Variants in G3BP2 observed in about 807,000 individuals in gnomAD.
G3BP2 encodes the protein ras GTPase-activating protein-binding protein 2.
Under a neutral mutation model 56.7 loss-of-function variants are expected in G3BP2, and 11 were observed. The observed-to-expected ratio is 0.19, with a 90% CI of 0.12 to 0.32. The LOEUF (loss-of-function observed/expected upper bound fraction) is 0.32, where lower values mean the gene tolerates loss of function less well. Ranked by LOEUF, G3BP2 falls within the 10% of genes least tolerant of loss-of-function variation. The probability of loss-of-function intolerance (pLI) is 1.00; values close to 1 mark genes in which losing one functional copy is unlikely to be tolerated. For missense variants in G3BP2, 340 were observed against 610.9 expected, an observed-to-expected ratio of 0.56 and a Z score of 4.67; for synonymous variants, 165 against 191.6, an observed-to-expected ratio of 0.86 and a Z score of 1.15.
At chr4:75,649,841 C>A (rs570054035) in intron 8 of G3BP2, among the ~76,000 whole-genome samples, 38 of 152,110 alleles carry the variant, frequency 2.5e-4, no homozygotes, top group Admixed American at 8.5e-4. Context: ...GAAACCCAGT[C>A]TCTACTAAAA....
intron 3 of G3BP2, among the ~76,000 whole-genome samples, chr4:75,710,605 CTTAT>C (rs1719717643): frequency 1.3e-5 from 2 of 152,272 alleles, no homozygotes; most frequent in South Asian, 4.1e-4. Flanking sequence ...TCACTAGCCG[CTTAT>C]TTATTTGTCG....
chr4:75,705,280 A>G (rs1234508306), intron 3 of G3BP2, among the ~76,000 whole-genome samples: 2 of 152,218 alleles, frequency 1.3e-5, no homozygotes, highest in Admixed American at 6.5e-5. Context: ...CAGAATGCCC[A>G]CAAAAGCCTG....
chr4:75,716,769 CCTCCCAAAGTGCTGGGATTACAGGCGT>C (rs1719945236), intron 3 of G3BP2, among the ~76,000 whole-genome samples: 1 of 152,162 alleles, frequency 6.6e-6, no homozygotes, highest in South Asian at 2.1e-4. Context: ...CCCGCCTTGG[CCTCCCAAAGTGCTGGGATTACAGGCGT>C]GAGCCACTGT....
At chr4:75,699,159 TCC>T (rs1456196007) in intron 3 of G3BP2, among the ~76,000 whole-genome samples, 1 of 152,192 alleles carries the variant, frequency 6.6e-6, no homozygotes, top group African/African-American at 2.4e-5. Context: ...GTGAAATTTT[TCC>T]TCTCCACTGG....
chr4:75,647,469 A>T (rs1007693594), intron 9 of G3BP2, among the ~76,000 whole-genome samples: 1 of 149,014 alleles, frequency 6.7e-6, no homozygotes, highest in Admixed American at 6.8e-5. Context: ...CCCAGGAACC[A>T]AGCAGATTTC....
chr4:75,686,442 G>A (rs905234443), intron 3 of G3BP2, among the ~76,000 whole-genome samples: 6 of 152,144 alleles, frequency 3.9e-5, no homozygotes, highest in East Asian at 1.9e-4. Context: ...ATTCCTGGAG[G>A]AGATGACACC....
intron 1 of G3BP2, among the ~76,000 whole-genome samples, chr4:75,668,899 T>C (rs1366250862): frequency 6.6e-6 from 1 of 152,222 alleles, no homozygotes; most frequent in Non-Finnish European, 1.5e-5. Flanking sequence ...GATCATGCTC[T>C]GCCCTAAATT....
At chr4:75,682,362 G>A (rs2149068665) in intron 3 of G3BP2, among the ~76,000 whole-genome samples, 1 of 149,474 alleles carries the variant, frequency 6.7e-6, no homozygotes, top group African/African-American at 2.5e-5. Flanking sequence ...GTTGCAGTGA[G>A]CCAAGATTGT....
intron 3 of G3BP2, among the ~76,000 whole-genome samples, chr4:75,687,919 A>G (rs1718679215): frequency 6.6e-6 from 1 of 152,196 alleles, no homozygotes; most frequent in Non-Finnish European, 1.5e-5. Flanking sequence ...AGTGAAAGCT[A>G]TTAGGAGGGT....
intron 1 of G3BP2, among the ~76,000 whole-genome samples, chr4:75,662,759 T>C (rs994303586): frequency 1.3e-5 from 2 of 152,188 alleles, no homozygotes; most frequent in Non-Finnish European, 2.9e-5. Context: ...TGCCTCAGAC[T>C]ACGTACAAGT....
At chr4:75,654,438 G>A (rs933664700) in intron 7 of G3BP2, among the ~76,000 whole-genome samples, 5 of 152,322 alleles carry the variant, frequency 3.3e-5, no homozygotes, top group South Asian at 4.1e-4. Context: ...GTGTGTGATG[G>A]TGTTAACGGG....
At chr4:75,677,502 CG>C, upstream of G3BP2, among the ~76,000 whole-genome samples, 1 of 151,578 alleles carries the variant, frequency 6.6e-6, no homozygotes, top group Admixed American at 6.6e-5. Context: ...ACCCAGGAGG[CG>C]GAGGTTGTGG....
intron 8 of G3BP2, among the ~76,000 whole-genome samples, chr4:75,653,625 A>C (rs569492797): frequency 7.6e-6 from 1 of 132,420 alleles, no homozygotes; most frequent in African/African-American, 3.0e-5. Context: ...ATTCTTTATT[A>C]CGCCACACTA....
chr4:75,697,566 G>C (rs1359104474), intron 3 of G3BP2, among the ~76,000 whole-genome samples: 1 of 152,028 alleles, frequency 6.6e-6, no homozygotes, highest in East Asian at 1.9e-4. Flanking sequence ...GCAATAAACT[G>C]GGCAAAATAT....
intron 1 of G3BP2, among the ~76,000 whole-genome samples, chr4:75,667,696 C>T (rs1277515360): frequency 2.0e-5 from 3 of 152,152 alleles, no homozygotes; most frequent in Non-Finnish European, 4.4e-5. Context: ...CGAGACCATC[C>T]TGGCTAACAC....
At chr4:75,667,020 C>T (rs1185188847) in intron 1 of G3BP2, among the ~76,000 whole-genome samples, 6 of 152,186 alleles carry the variant, frequency 3.9e-5, no homozygotes, top group Non-Finnish European at 7.3e-5. Flanking sequence ...GGTGCAGTGG[C>T]TCACACCTGT....
upstream of G3BP2, chr4:75,673,424 T>C: frequency 1.6e-6 from 2 of 1,232,122 alleles, no homozygotes; most frequent in Non-Finnish European, 2.0e-6. Flanking sequence ...CCGCCCCCTT[T>C]GCCACCGCCC....
chr4:75,664,855 A>G (rs1450762580), intron 1 of G3BP2, among the ~76,000 whole-genome samples: 1 of 151,848 alleles, frequency 6.6e-6, no homozygotes, highest in Non-Finnish European at 1.5e-5. Flanking sequence ...TCTCAAAACA[A>G]ACAGACAAAA....
rs574983098 is a variant in G3BP2, at chr4:75,704,897, T to A, written c.-25+15980A>T. ...ACCCACCCGCCTTGGCCTCCCAAAG[T>A]GCTAGGATTACAGGCGTGAACCACC... On this transcript the variant is annotated intron_variant, in intron 3 of 3. Transcript: ENST00000499709. 5.3e-5 allele frequency among the ~76,000 whole-genome samples: 8 copies of A among 152,286 alleles called. No homozygotes were observed. The South Asian group carries it at 1.7e-3, about 32-fold the overall frequency.
Sources: allele counts gnomAD v4.1 joint callset (sites outside exome capture counted in the v4.1 genomes callset), GRCh38; gene constraint gnomAD v4.1.1; transcripts MANE v1.5; gene names NCBI Gene and HGNC (gene_info 2026-07-23, HGNC 2026-07-21).